Variants in RNF20 observed in about 807,000 individuals in gnomAD.
RNF20 encodes E3 ubiquitin-protein ligase BRE1A.
RNF20 carries 84 observed loss-of-function variants against 126.2 expected under a neutral mutation model. That is an observed-to-expected ratio of 0.67 (90% confidence interval 0.56 to 0.80). The LOEUF is 0.80. RNF20 is among the 30% of genes least tolerant of loss of function. The pLI is 0.00. For missense variants in RNF20, 869 were observed against 1,188.2 expected (o/e 0.73, Z 3.95); for synonymous variants, 400 against 414.3 (o/e 0.97, Z 0.42).
At chr9:101,557,718 ATGTT>A (rs1827557498) in intron 16 of RNF20, 122 bp downstream of exon 16, 2 of 665,932 alleles carry the variant, frequency 3.0e-6, no homozygotes, top group African/African-American at 1.8e-5. Context: ...TGAAAACTAA[ATGTT>A]CATCATTAGG....
intron 16 of RNF20, among the ~76,000 whole-genome samples, chr9:101,559,612 C>T (rs567131377): frequency 2.0e-5 from 3 of 152,078 alleles, no homozygotes; most frequent in South Asian, 2.1e-4. Flanking sequence ...AGGTCTTTCA[C>T]GTTCTTGGTT....
In RNF20 at chr9:101,562,229, A is replaced by T; in HGVS notation, c.2752-17A>T. On this transcript the variant is annotated splice_polypyrimidine_tract_variant and intron_variant, in intron 19 of 19. Coordinates refer to ENST00000389120, the MANE Select transcript of RNF20 (RefSeq NM_019592.7). ...AACTTTCATGGTTGTTCAAACTCTG[A>T]CATCTTTTCTTTTTAGGCACGCTTG... 1 of 1,604,738 alleles carries T rather than the reference A, an allele frequency of 6.2e-7. No individual in the cohort carries two copies. Among genetic ancestry groups the T allele is most frequent in the Non-Finnish European group, 8.5e-7 (1 of 1,173,522 alleles).
chr9:101,544,840 A>G lies in RNF20; in HGVS notation c.702A>G (p.Glu234=). 6.2e-7 allele frequency: 1 copy of G among 1,613,964 alleles called. No homozygotes were observed. Among genetic ancestry groups the G allele is most frequent in the Non-Finnish European group, 8.5e-7 (1 of 1,179,810 alleles). ...CACAGGAGAATATGAGGCTACAGGA[A>G]TTGACAGATCTTCTTCAGGAAAAGC... ...FLAQENMRLQ[E]LTDLLQEKHR... Residue 234 remains glutamate, a synonymous_variant, in exon 6 of 20, where the codon GAA becomes GAG. Transcript: ENST00000389120.
At chr9:101,554,611 C>A (rs1023722047) in intron 14 of RNF20, 83 bp from the exon 15 acceptor site, 1 of 1,179,088 alleles carries the variant, frequency 8.5e-7, no homozygotes, top group Non-Finnish European at 1.2e-6. Context: ...GTATTATGAA[C>A]CTTCTATCTT....
chr9:101,562,398 T>C lies in RNF20; in HGVS notation c.2904T>C (p.Asp968=), dbSNP rs1470782444. 3 of 1,613,656 alleles carry C rather than the reference T, an allele frequency of 1.9e-6. No individual in the cohort carries two copies. The highest frequency in any genetic ancestry group is 2.5e-6 in the Non-Finnish European group (3 of 1,179,836). Residue 968 remains aspartate, a synonymous_variant, in exon 20 of 20, where the codon GAT becomes GAC. Transcript: ENST00000389120. ...GTAATGCTGCTTTTGGTGCCAATGA[T>C]TTTCATCGCATCTACATTGGTTGAT... ...PKCNAAFGAN[D]FHRIYIG
chr9:101,544,160 G>T (rs1366827681), intron 5 of RNF20, among the ~76,000 whole-genome samples: 1 of 152,182 alleles, frequency 6.6e-6, no homozygotes, highest in Non-Finnish European at 1.5e-5. Flanking sequence ...GGTGTAATAA[G>T]TTCTATGGAT....
chr9:101,549,173 G>A (rs1827402149), intron 9 of RNF20, among the ~76,000 whole-genome samples: 1 of 152,174 alleles, frequency 6.6e-6, no homozygotes, highest in Admixed American at 6.5e-5. Context: ...GCGGAGACCG[G>A]TAGTGGCCCC....
In RNF20 at chr9:101,550,586, T is replaced by G; in HGVS notation, c.1093-20T>G. 1.2e-6 allele frequency: 2 copies of G among 1,603,474 alleles called. No individual in the cohort carries two copies. Among genetic ancestry groups the G allele is most frequent in the Non-Finnish European group, 1.7e-6 (2 of 1,173,390 alleles). On this transcript the variant is annotated intron_variant, in intron 9 of 19. Transcript: ENST00000389120. ...GCAATGCTAGATTCTGCTTCTGACTTTGCTTTGGGCCCTCCTAAGGTGGAA... is the reference window on the plus strand; with the variant it reads ...GCAATGCTAGATTCTGCTTCTGACTGTGCTTTGGGCCCTCCTAAGGTGGAA...
chr9:101,558,196 T>TGATA (rs1250259509), intron 16 of RNF20, among the ~76,000 whole-genome samples: 1 of 152,086 alleles, frequency 6.6e-6, no homozygotes, highest in Admixed American at 6.6e-5. Context: ...CTCCGCCAAG[T>TGATA]CACCAAAGTT....
At position 101,552,022 on chromosome 9, in the gene RNF20, A is replaced by G. The variant is rs1827454292; in HGVS notation, c.1409-119A>G. On this transcript the variant is annotated intron_variant, in intron 11 of 19. Coordinates refer to ENST00000389120, the MANE Select transcript of RNF20 (RefSeq NM_019592.7). ...TTTTGTTTTCATCTTCTGAGAAGGA[A>G]TCTTTTATTTGGTAATTCTCCCTAT... 7.9e-6 allele frequency: 11 copies of G among 1,399,742 alleles called. No individual in the cohort carries two copies. The South Asian group carries it at 1.3e-4, about 17-fold the overall frequency. The allele number at this position is 1,399,742 out of a possible 1,614,324, so 86.7% of individuals were successfully genotyped here.
chr9:101,552,488 C>A lies in RNF20; in HGVS notation c.1636C>A (p.Gln546Lys). 6.2e-7 allele frequency: 1 copy of A among 1,614,024 alleles called. No individual in the cohort carries two copies. The highest frequency in any genetic ancestry group is 8.5e-7 in the Non-Finnish European group (1 of 1,179,942). The part of the protein sequence containing the change: ...LKPDSEDLSS[Q>K]SSASKASQED... ...ACCAGATTCTGAGGACTTATCCTCC[C>A]AGTCCTCAGCTTCAAAGGCATCTCA... Residue 546 changes from glutamine (Q) to lysine (K), a missense_variant, in exon 13 of 20, where the codon CAG (glutamine) becomes AAG (lysine). This residue lies in a region of RNF20 where 231 missense variants were observed against 263.6 expected (regional missense o/e 0.88). Coordinates refer to ENST00000389120, the MANE Select transcript of RNF20 (RefSeq NM_019592.7).
At chr9:101,553,043 T>G (rs533324755) in intron 13 of RNF20, among the ~76,000 whole-genome samples, 31 of 152,184 alleles carry the variant, frequency 2.0e-4, no homozygotes, top group Admixed American at 1.7e-3. Context: ...CTGAGAATTA[T>G]TGGGAATTAA....
chr9:101,558,068 G>A (rs114826790), intron 16 of RNF20, among the ~76,000 whole-genome samples: 363 of 149,258 alleles, frequency 2.4e-3, no homozygotes, highest in African/African-American at 8.7e-3. Context: ...TTGGTTACAT[G>A]AATAAGTTCT....
At chr9:101,535,338 T>G in intron 1 of RNF20, 60 bp from the exon 2 acceptor site, 1 of 1,402,720 alleles carries the variant, frequency 7.1e-7, no homozygotes, top group Non-Finnish European at 9.7e-7. Flanking sequence ...CTCTATTGTT[T>G]TACTCTATTG....
At chr9:101,545,608 G>T (rs1375428809) in intron 6 of RNF20, among the ~76,000 whole-genome samples, 1 of 152,188 alleles carries the variant, frequency 6.6e-6, no homozygotes, top group Non-Finnish European at 1.5e-5. Context: ...AAACCCCAGT[G>T]TTAAGGTCCA....
chr9:101,562,531 C>A lies in RNF20; in HGVS notation c.*109C>A. 9.7e-7 allele frequency: 1 copy of A among 1,028,850 alleles called. No individual in the cohort carries two copies. The highest frequency in any genetic ancestry group is 1.4e-6 in the Non-Finnish European group (1 of 727,060). The allele number at this position is 1,028,850 out of a possible 1,614,324, so 63.7% of individuals were successfully genotyped here. On this transcript the variant is annotated 3_prime_UTR_variant, in exon 20 of 20. Coordinates refer to ENST00000389120, the MANE Select transcript of RNF20 (RefSeq NM_019592.7). Reference sequence around the variant, plus strand: ...GTCACCTGTAGGACAGTTTATCAGTCAACTACCTTTCCTCCAGACTTTACT... The same window carrying A: ...GTCACCTGTAGGACAGTTTATCAGTAAACTACCTTTCCTCCAGACTTTACT...
intron 6 of RNF20, among the ~76,000 whole-genome samples, chr9:101,546,267 G>C (rs1477122560): frequency 1.3e-5 from 2 of 152,158 alleles, no homozygotes; most frequent in Admixed American, 1.3e-4. Flanking sequence ...GTTAGCTGGT[G>C]TATAGCTCCT....
chr9:101,540,149 G>T, intron 2 of RNF20, 54 bp from the exon 3 acceptor site: 1 of 1,527,464 alleles, frequency 6.5e-7, no homozygotes, highest in Middle Eastern at 1.7e-4. Context: ...TGAGTTTAAC[G>T]GCTCATTTTT....
At chr9:101,536,871 C>T (rs1295357877) in intron 2 of RNF20, among the ~76,000 whole-genome samples, 4 of 152,144 alleles carry the variant, frequency 2.6e-5, no homozygotes, top group Admixed American at 1.3e-4. Context: ...TATAGAAAAG[C>T]AAGGATTATA....
Sources: allele counts gnomAD v4.1 joint callset (sites outside exome capture counted in the v4.1 genomes callset), GRCh38; gene constraint gnomAD v4.1.1; regional missense constraint gnomAD v4.1.1; transcripts MANE v1.5; gene names NCBI Gene and HGNC (gene_info 2026-07-23, HGNC 2026-07-21).